Variants in TBC1D22A observed in about 807,000 individuals in gnomAD.
TBC1D22A encodes the protein putative GTPase activator.
TBC1D22A carries 38 observed loss-of-function variants against 60.2 expected under a neutral mutation model. That is an observed-to-expected ratio of 0.63 (90% CI 0.49 to 0.83). The LOEUF is 0.83. Among genes scored for constraint, TBC1D22A ranks in the 40% least tolerant of loss-of-function variants. The pLI, the probability that TBC1D22A is intolerant of heterozygous loss-of-function variation, is 0.00. For missense variants in TBC1D22A, 628 were observed against 701.0 expected (o/e 0.90, Z 1.18); for synonymous variants, 302 against 281.7 (o/e 1.07, Z -0.72).
chr22:46,929,927 G>A (rs1163974055), intron 8 of TBC1D22A, among the ~76,000 whole-genome samples: 2 of 152,180 alleles, frequency 1.3e-5, no homozygotes, highest in Non-Finnish European at 1.5e-5. Context: ...ATGTGTGTGT[G>A]GACCCCTTTG....
chr22:46,791,246 T>A (rs2084392882), intron 1 of TBC1D22A, among the ~76,000 whole-genome samples: 1 of 152,152 alleles, frequency 6.6e-6, no homozygotes, highest in Non-Finnish European at 1.5e-5. Flanking sequence ...GGTCCTAAAC[T>A]CCTGAGCTCA....
chr22:47,144,984 T>C (rs995281882), intron 12 of TBC1D22A, among the ~76,000 whole-genome samples: 2 of 152,220 alleles, frequency 1.3e-5, no homozygotes, highest in African/African-American at 2.4e-5. Context: ...ACCAGAGCCA[T>C]GTAGATGTTG....
intron 7 of TBC1D22A, among the ~76,000 whole-genome samples, chr22:46,898,244 C>T (rs1387855987): frequency 6.6e-6 from 1 of 152,166 alleles, no homozygotes; most frequent in African/African-American, 2.4e-5. Flanking sequence ...TAGCAATTGG[C>T]AATTGGTCCT....
intron 10 of TBC1D22A, among the ~76,000 whole-genome samples, chr22:47,012,196 T>A (rs923813166): frequency 3.9e-5 from 6 of 152,074 alleles, no homozygotes; most frequent in African/African-American, 1.4e-4. Flanking sequence ...ACCCCAAAGT[T>A]GTTAAGGTGG....
Position 46,982,703 on chromosome 22 carries a change from G to C in TBC1D22A, c.1125+8304G>C, listed in dbSNP as rs145775647. Among the ~76,000 whole-genome samples the C allele has an allele frequency of 1.2e-4, 18 of 152,292 alleles. No individual in the cohort carries two copies. The East Asian group carries it at 2.9e-3, about 25-fold the overall frequency. On this transcript the variant is annotated intron_variant, in intron 9 of 12. Coordinates refer to ENST00000337137, the MANE Select transcript of TBC1D22A (RefSeq NM_014346.5). ...TGTCATTGGCACTGCCCTGAGGGAC[G>C]TCTAAGCTTGTGGAGGGATGTGGGA...
At chr22:46,811,875 G>A (rs1288787564) in intron 4 of TBC1D22A, among the ~76,000 whole-genome samples, 3 of 152,206 alleles carry the variant, frequency 2.0e-5, no homozygotes, top group Admixed American at 6.5e-5. Context: ...CCATGAGAAA[G>A]CCACTGGAGA....
At chr22:47,050,041 G>C (rs1298118491) in intron 11 of TBC1D22A, among the ~76,000 whole-genome samples, 1 of 150,686 alleles carries the variant, frequency 6.6e-6, no homozygotes, top group Non-Finnish European at 1.5e-5. Flanking sequence ...TCTCGCCCTT[G>C]TCCCCCAGGC....
chr22:46,862,392 T>C (rs542363909), intron 4 of TBC1D22A, among the ~76,000 whole-genome samples: 9 of 152,056 alleles, frequency 5.9e-5, no homozygotes, highest in African/African-American at 2.2e-4. Flanking sequence ...GTGGTGCAGT[T>C]GGGAGTGAGA....
At chr22:47,015,684 A>T (rs1484857866) in intron 10 of TBC1D22A, among the ~76,000 whole-genome samples, 1 of 152,222 alleles carries the variant, frequency 6.6e-6, no homozygotes, top group Non-Finnish European at 1.5e-5. Flanking sequence ...GCCAGGGCCC[A>T]GCATCCAAGA....
intron 11 of TBC1D22A, among the ~76,000 whole-genome samples, chr22:47,068,903 A>G (rs753390259): frequency 6.6e-6 from 1 of 152,230 alleles, no homozygotes; most frequent in Non-Finnish European, 1.5e-5. Context: ...TACATGAGGT[A>G]AGGAGTTTAG....
At chr22:46,833,689 G>A (rs1403487199) in intron 4 of TBC1D22A, among the ~76,000 whole-genome samples, 1 of 152,220 alleles carries the variant, frequency 6.6e-6, no homozygotes, top group Non-Finnish European at 1.5e-5. Context: ...GAGGAGCTTG[G>A]TCTTGAAGAA....
chr22:47,003,659 A>G (rs548760791), intron 10 of TBC1D22A, among the ~76,000 whole-genome samples: 1 of 126,582 alleles, frequency 7.9e-6, no homozygotes, highest in Non-Finnish European at 1.6e-5. Context: ...GCACCCCTGT[A>G]TACACACACA....
intron 7 of TBC1D22A, among the ~76,000 whole-genome samples, chr22:46,906,568 T>C (rs2069484127): frequency 6.6e-6 from 1 of 152,172 alleles, no homozygotes; most frequent in Non-Finnish European, 1.5e-5. Context: ...ATGGGTTTCA[T>C]CTGGCAGGGC....
At chr22:46,846,583 C>CA (rs576617365) in intron 4 of TBC1D22A, among the ~76,000 whole-genome samples, 18 of 151,934 alleles carry the variant, frequency 1.2e-4, no homozygotes, top group South Asian at 2.1e-4. Flanking sequence ...ACTTAAAAAA[C>CA]AAAAAAAACT....
chr22:46,836,312 T>A (rs193300724), intron 4 of TBC1D22A, among the ~76,000 whole-genome samples: 10 of 152,306 alleles, frequency 6.6e-5, no homozygotes, highest in Non-Finnish European at 1.3e-4. Context: ...ATGGTATCAA[T>A]AGCAAAATGT....
chr22:46,904,122 T>G lies in TBC1D22A; in HGVS notation c.901-7952T>G, dbSNP rs1434173651. 6.4e-4 allele frequency among the ~76,000 whole-genome samples: 57 copies of G among 89,098 alleles called. 2 individuals are homozygous for G. Among genetic ancestry groups the G allele is most frequent in the Admixed American group, 6.1e-3 (48 of 7,844 alleles). The allele number at this position is 89,098 out of a possible 152,430, so 58.5% of individuals were successfully genotyped here. Reference sequence around the variant, plus strand: ...ATCTATCTATCTATCTATCTATCTATCTATCTATCTATCTATCTATCTACC... The same window carrying G: ...ATCTATCTATCTATCTATCTATCTAGCTATCTATCTATCTATCTATCTACC... On this transcript the variant is annotated intron_variant, in intron 7 of 12. Transcript: ENST00000337137.
chr22:47,016,610 T>G (rs1299092399), intron 10 of TBC1D22A, among the ~76,000 whole-genome samples: 1 of 152,200 alleles, frequency 6.6e-6, no homozygotes, highest in Non-Finnish European at 1.5e-5. Flanking sequence ...TCCAGAACTC[T>G]GCCGTCCCGA....
At chr22:46,963,566 A>G (rs537671809) in intron 8 of TBC1D22A, among the ~76,000 whole-genome samples, 17 of 152,280 alleles carry the variant, frequency 1.1e-4, no homozygotes, top group Admixed American at 3.3e-4. Context: ...CAAGTATAAA[A>G]CCCAAGAGAC....
chr22:46,913,293 G>A, intron 8 of TBC1D22A: 1 of 1,349,090 alleles, frequency 7.4e-7, no homozygotes, highest in South Asian at 1.2e-5. Context: ...CAAGCCTTCT[G>A]GACTTGGTGC....
Sources: allele counts gnomAD v4.1 joint callset (sites outside exome capture counted in the v4.1 genomes callset), GRCh38; gene constraint gnomAD v4.1.1; transcripts MANE v1.5; gene names NCBI Gene and HGNC (gene_info 2026-07-23, HGNC 2026-07-21).